Variants in DNAH10 observed in about 807,000 individuals in gnomAD.
The protein encoded by DNAH10 is dynein axonemal heavy chain 10.
Under a neutral mutation model 506.6 loss-of-function variants are expected in DNAH10, and 348 were observed. The observed-to-expected ratio is 0.69, with a 90% CI of 0.63 to 0.75. The LOEUF (loss-of-function observed/expected upper bound fraction) is 0.75, where lower values mean the gene tolerates loss of function less well. DNAH10 is among the 30% of genes least tolerant of loss of function. The pLI is 0.00. For missense variants in DNAH10, 5,179 were observed against 5,787.1 expected, an observed-to-expected ratio of 0.89 and a Z score of 3.41; for synonymous variants, 2,059 against 2,198.6, an observed-to-expected ratio of 0.94 and a Z score of 1.78.
chr12:123,864,520 A>AT, intron 39 of DNAH10, 75 bp from the exon 40 acceptor site: 1 of 1,530,796 alleles, frequency 6.5e-7, no homozygotes, highest in Non-Finnish European at 8.8e-7. Flanking sequence ...TTCAACATGA[A>AT]TGGGCAGGTT....
At chr12:123,829,401 C>T (rs1017224519) in intron 25 of DNAH10, among the ~76,000 whole-genome samples, 4 of 152,324 alleles carry the variant, frequency 2.6e-5, no homozygotes, top group Non-Finnish European at 5.9e-5. Context: ...CCAGTTGGAA[C>T]TGGACAGAGG....
At chr12:123,810,497 A>C (rs971001732) in intron 19 of DNAH10, among the ~76,000 whole-genome samples, 1 of 152,182 alleles carries the variant, frequency 6.6e-6, no homozygotes, top group Non-Finnish European at 1.5e-5. Context: ...CCTGGCTAAC[A>C]TGGTGAACCC....
chr12:123,920,943 A>C (rs1055471731), intron 65 of DNAH10, among the ~76,000 whole-genome samples: 1 of 152,010 alleles, frequency 6.6e-6, no homozygotes, highest in Non-Finnish European at 1.5e-5. Context: ...CTAATTTTTA[A>C]AAAAAATTTG....
At chr12:123,797,602 G>A (rs1400555969) in intron 13 of DNAH10, among the ~76,000 whole-genome samples, 2 of 152,140 alleles carry the variant, frequency 1.3e-5, no homozygotes, top group Non-Finnish European at 2.9e-5. Flanking sequence ...CATGTTGCCT[G>A]CCCAGGCTGG....
intron 43 of DNAH10, among the ~76,000 whole-genome samples, chr12:123,869,583 C>T (rs1922257): frequency 0.41 from 62,440 of 152,002 alleles, 13,134 homozygotes; most frequent in South Asian, 0.48. Flanking sequence ...ACAGGAACAA[C>T]GGAAGCTGTC....
rs754712844 is a variant in DNAH10 at position 123,804,926 on chromosome 12, C to G, written c.2873C>G (p.Thr958Ser). 13 of 1,613,998 alleles carry G rather than the reference C, an allele frequency of 8.1e-6. No individual in the cohort carries two copies. The highest frequency in any genetic ancestry group is 9.3e-6 in the Non-Finnish European group (11 of 1,180,042). Residue 958 changes from threonine (T) to serine (S), a missense_variant, in exon 18 of 79, where the codon ACC (threonine) becomes AGC (serine). Transcript: ENST00000673944. ...TATCTTGCCATTGGACCACTGCTGA[C>G]CAAAGTTGAGGGCCTGGTCGTCCAC... ...RWYLAIGPLL[T>S]KVEGLVVHTN...
rs775331029 is a variant in DNAH10 at position 123,934,767 on chromosome 12, G to T, written c.13623+1G>T. The T allele has an allele frequency of 6.2e-7, 1 of 1,613,432 alleles. No individual in the cohort carries two copies. The highest frequency in any genetic ancestry group is 8.5e-7 in the Non-Finnish European group (1 of 1,179,864). ...TGAAGCCCATCGCCTCAAGCTGCAGGTGAAGGTCCCAGCCCCTCCTCTCTG... is the reference window on the plus strand; with the variant it reads ...TGAAGCCCATCGCCTCAAGCTGCAGTTGAAGGTCCCAGCCCCTCCTCTCTG... On this transcript the variant is annotated splice_donor_variant, in intron 78 of 78. Transcript: ENST00000673944. LOFTEE classifies it high-confidence loss of function.
intron 5 of DNAH10, among the ~76,000 whole-genome samples, chr12:123,778,210 A>C (rs1957514106): frequency 2.0e-5 from 3 of 151,666 alleles, no homozygotes; most frequent in Admixed American, 6.6e-5. Flanking sequence ...CTCTAAAAAA[A>C]AAAAATGAAA....
intron 50 of DNAH10, among the ~76,000 whole-genome samples, chr12:123,880,434 G>C (rs1466454693): frequency 1.3e-5 from 2 of 152,054 alleles, no homozygotes; most frequent in African/African-American, 2.4e-5. Flanking sequence ...CAACCTCCTG[G>C]GCTCAAGTGA....
In DNAH10 at chr12:123,903,798, CAG is replaced by C. The variant is rs374132514; in HGVS notation, c.9815+686_9815+687del. On this transcript the variant is annotated intron_variant, in intron 57 of 78. Transcript: ENST00000673944. This position sits in a 1 kb window ranked among gnomAD's most constrained non-coding sequence, Gnocchi z 4.6. ...CTGGGAGGGAACACTGTCCTGGTGC[CAG>C]CCTCCGCCCACTGCCTCTGCCCCTG... Among the ~76,000 whole-genome samples the C allele has an allele frequency of 4.3e-4, 65 of 152,320 alleles. 1 individual carries two copies. The highest frequency in any genetic ancestry group is 3.4e-3 in the Middle Eastern group (1 of 294).
At chr12:123,888,811 A>C (rs1297654050) in intron 52 of DNAH10, among the ~76,000 whole-genome samples, 1 of 152,176 alleles carries the variant, frequency 6.6e-6, no homozygotes, top group Non-Finnish European at 1.5e-5. Flanking sequence ...CATCTTAGCC[A>C]CGCTCACAAC....
chr12:123,851,164 G>A (rs112738241), intron 35 of DNAH10, 88 bp downstream of exon 35: 32 of 1,380,822 alleles, frequency 2.3e-5, no homozygotes, highest in Admixed American at 1.5e-4. Context: ...CGTTAGCTCC[G>A]TGTGGCTCTT....
rs1364387432 is a variant in DNAH10, at chr12:123,893,455, G to C, written c.9199+19G>C. The C allele has an allele frequency of 3.1e-6, 5 of 1,611,702 alleles. No individual in the cohort carries two copies. Among genetic ancestry groups the C allele is most frequent in the Non-Finnish European group, 1.7e-6 (2 of 1,179,752 alleles). On this transcript the variant is annotated intron_variant, in intron 53 of 78. Coordinates refer to ENST00000673944, the MANE Select transcript of DNAH10 (RefSeq NM_001372106.1). ...TTCCCAGGTACCCGCGGTGGAGCCT[G>C]TGAACCCATTTCCCCTGCTTTGGCA... is the stretch of plus-strand genomic sequence containing the variant.
intron 29 of DNAH10, among the ~76,000 whole-genome samples, chr12:123,840,524 C>T (rs1017265625): frequency 6.6e-6 from 1 of 151,596 alleles, no homozygotes; most frequent in East Asian, 1.9e-4. Context: ...CCCGCCTCAG[C>T]CTCCCAAAGT....
chr12:123,784,258 A>G (rs1957770806), intron 8 of DNAH10, 81 bp downstream of exon 8: 3 of 1,448,446 alleles, frequency 2.1e-6, no homozygotes, highest in Non-Finnish European at 2.9e-6. Flanking sequence ...AAAAATGTTC[A>G]GCATTTGGCC....
At position 123,838,611 on chromosome 12, in the gene DNAH10, C is replaced by G. The variant is rs766108846; in HGVS notation, c.5058C>G (p.Phe1686Leu). ...CGAAGAGAAATGCTTTCCCAAGGTT[C>G]TTCTTCATTTCTGACGATGAGTTGC... is the stretch of plus-strand genomic sequence containing the variant. Reference protein sequence around the residue: ...LDSKRNAFPRFFFISDDELLS... With the variant: ...LDSKRNAFPRLFFISDDELLS... The change falls in exon 29 of 79, where the codon TTC (phenylalanine) becomes TTG (leucine). Residue 1686 changes from phenylalanine to leucine, a missense_variant. Transcript: ENST00000673944. 13 of 1,613,912 alleles carry G rather than the reference C, an allele frequency of 8.1e-6. No homozygotes were observed. In the South Asian group the frequency reaches 8.8e-5, roughly 11 times the overall value.
intron 26 of DNAH10, among the ~76,000 whole-genome samples, chr12:123,832,762 G>A (rs1960707271): frequency 6.6e-6 from 1 of 152,248 alleles, no homozygotes; most frequent in Middle Eastern, 3.4e-3. Context: ...AGACTTCGGG[G>A]GCAGACTGTG....
At chr12:123,851,939 A>C (rs1951192468) in intron 35 of DNAH10, among the ~76,000 whole-genome samples, 1 of 152,048 alleles carries the variant, frequency 6.6e-6, no homozygotes, top group Non-Finnish European at 1.5e-5. Flanking sequence ...ACACCTGGCT[A>C]ATCTTGCTTA....
At chr12:123,901,280 AC>A (rs1236765904) in intron 56 of DNAH10, among the ~76,000 whole-genome samples, 2 of 149,816 alleles carry the variant, frequency 1.3e-5, no homozygotes, top group African/African-American at 2.5e-5. Flanking sequence ...TGCTGGCACC[AC>A]CCCCCACCCC....
Sources: allele counts gnomAD v4.1 joint callset (sites outside exome capture counted in the v4.1 genomes callset), GRCh38; gene constraint gnomAD v4.1.1; non-coding constraint Gnocchi (gnomAD v3.1); transcripts MANE v1.5; gene names NCBI Gene and HGNC (gene_info 2026-07-23, HGNC 2026-07-21).